Variants in ANK3 observed in about 807,000 individuals in gnomAD.
ANK3 encodes the protein ankyrin 3.
In ANK3, 57 loss-of-function variants were observed where a neutral mutation model predicts 370.9. The ratio of observed to expected loss-of-function variants is 0.15; its 90% CI spans 0.12 to 0.19. The LOEUF (loss-of-function observed/expected upper bound fraction) is 0.19. ANK3 is among the 10% of genes least tolerant of loss of function. The pLI, the probability that ANK3 is intolerant of heterozygous loss-of-function variation, is 1.00. For synonymous variants in ANK3, 1,929 were observed against 1,946.3 expected (o/e 0.99, Z 0.23); for missense variants, 4,439 against 5,302.1 (o/e 0.84, Z 5.06).
At chr10:60,497,051 C>T (rs116224474) in intron 2 of ANK3, among the ~76,000 whole-genome samples, 2,793 of 152,284 alleles carry the variant, frequency 0.018, 107 homozygotes, top group African/African-American at 0.064. Flanking sequence ...CCTGTAATCC[C>T]AGCACTTTTG....
At chr10:60,059,691 T>TA (rs1289581061) in intron 40 of ANK3, 1 of 1,606,234 alleles carries the variant, frequency 6.2e-7, no homozygotes, top group Non-Finnish European at 8.5e-7. Flanking sequence ...GTATTGAGGA[T>TA]ACTCACTCAG....
At chr10:60,430,370 C>T (rs145379195) in intron 2 of ANK3, among the ~76,000 whole-genome samples, 1 of 152,000 alleles carries the variant, frequency 6.6e-6, no homozygotes, top group East Asian at 1.9e-4. Flanking sequence ...CTAAAGATGC[C>T]TAGAATGAGG....
intron 2 of ANK3, among the ~76,000 whole-genome samples, chr10:60,547,235 C>T (rs570135126): frequency 4.3e-4 from 65 of 151,564 alleles, no homozygotes; most frequent in African/African-American, 1.5e-3. Flanking sequence ...GGATTACAGG[C>T]ACCTGCCACT....
intron 29 of ANK3, among the ~76,000 whole-genome samples, chr10:60,087,535 T>C (rs148716704): frequency 1.8e-4 from 28 of 152,266 alleles, no homozygotes; most frequent in Non-Finnish European, 2.9e-4. Flanking sequence ...GTTAACTCCA[T>C]TGGGCAGGAG....
intron 2 of ANK3, among the ~76,000 whole-genome samples, chr10:60,502,287 C>A (rs1183350835): frequency 6.6e-6 from 1 of 152,156 alleles, no homozygotes; most frequent in Non-Finnish European, 1.5e-5. Context: ...TAACATATCA[C>A]ACTAACAAAC....
rs187289723 is a variant in ANK3 at position 60,336,091 on chromosome 10, G to C, written c.114+53334C>G. ...GAGAGGATTTTTAACATAGTTTGGC[G>C]GGGGGGGGAAGCTGGTGCCAAGGAG... On this transcript the variant is annotated intron_variant, in intron 1 of 43. Coordinates refer to ENST00000280772, the MANE Select transcript of ANK3 (RefSeq NM_020987.5). Among the ~76,000 whole-genome samples the C allele has an allele frequency of 2.8e-5, 4 of 141,984 alleles. 1 individual carries two copies. The South Asian group carries it at 6.3e-4, about 22-fold the overall frequency. 93.1% of individuals were successfully genotyped at this position (141,984 alleles called of 152,430 possible). A position where few individuals can be genotyped will look rare whatever the true frequency, so the allele number is the denominator to read the frequency against.
At chr10:60,116,648 GA>G (rs1471007257) in intron 25 of ANK3, among the ~76,000 whole-genome samples, 1 of 149,706 alleles carries the variant, frequency 6.7e-6, no homozygotes, top group Non-Finnish European at 1.5e-5. Flanking sequence ...CAAATATATT[GA>G]AAAAAACCTT....
chr10:60,243,217 T>G (rs2097499004), intron 7 of ANK3, among the ~76,000 whole-genome samples: 1 of 152,194 alleles, frequency 6.6e-6, no homozygotes. Flanking sequence ...AAAATTAGGC[T>G]AATAATAGTA....
At chr10:60,479,723 T>C (rs2075162645) in intron 2 of ANK3, among the ~76,000 whole-genome samples, 2 of 151,510 alleles carry the variant, frequency 1.3e-5, no homozygotes. Flanking sequence ...GCTGGTAGCA[T>C]ATAAAGAGAC....
Position 60,071,606 on chromosome 10 carries a change from A to G in ANK3, c.9275T>C (p.Leu3092Ser), listed in dbSNP as rs929130072. 7 of 1,613,760 alleles carry G rather than the reference A, an allele frequency of 4.3e-6. No homozygotes were observed. The highest frequency in any genetic ancestry group is 1.7e-5 in the Admixed American group (1 of 59,954). Residue 3092 changes from leucine (L) to serine (S), a missense_variant, in exon 37 of 44, where the codon TTA (leucine) becomes TCA (serine). Physicochemically the swap from Leu to Ser is moderately radical, Grantham distance 145 (BLOSUM62 -2). Transcript: ENST00000280772. ...TTGTACAAAACTGACATAAACGGGT[A>G]AAGTTTTTATCTCTTTCCCTCCCTC... is the stretch of plus-strand genomic sequence containing the variant. ...QTEGGKEIKT[L>S]PVYVSFVQVG... is the part of the protein sequence containing the mutation.
rs367784314 is a variant in ANK3, at chr10:60,086,467, T to A, written c.3748+210A>T. The A allele has an allele frequency of 4.0e-4, 181 of 456,002 alleles. 2 individuals are homozygous for A. In the South Asian group the frequency reaches 9.1e-3, roughly 23 times the overall value. 28.2% of individuals were successfully genotyped at this position (456,002 alleles called of 1,614,324 possible). A position where few individuals can be genotyped will look rare whatever the true frequency, so the allele number is the denominator to read the frequency against. On this transcript the variant is annotated intron_variant, in intron 30 of 43. Coordinates refer to ENST00000280772, the MANE Select transcript of ANK3 (RefSeq NM_020987.5). ...CTATCACTAAATTTTAAATGAGTCATGAGACCAGGATCTTGACCAGGATCT... is the reference window on the plus strand; with the variant it reads ...CTATCACTAAATTTTAAATGAGTCAAGAGACCAGGATCTTGACCAGGATCT...
chr10:60,131,992 G>A (rs1005050962), intron 25 of ANK3, among the ~76,000 whole-genome samples: 2 of 152,170 alleles, frequency 1.3e-5, no homozygotes, highest in Non-Finnish European at 2.9e-5. Flanking sequence ...TTTACGTTTT[G>A]TGGGGTCTCC....
intron 2 of ANK3, among the ~76,000 whole-genome samples, chr10:60,505,997 T>A (rs962734247): frequency 5.9e-5 from 9 of 151,958 alleles, no homozygotes; most frequent in African/African-American, 2.2e-4. Flanking sequence ...GGATCAAGTT[T>A]CTCCACCCAA....
In ANK3 at chr10:60,143,462, A is replaced by G. The variant is rs2094661566; in HGVS notation, c.2615-4375T>C. 2.0e-5 allele frequency among the ~76,000 whole-genome samples: 3 copies of G among 152,212 alleles called. No homozygotes were observed. The South Asian group carries it at 6.2e-4, about 31-fold the overall frequency. The stretch of plus-strand genomic sequence containing the variant: ...ATAAGCCAACCAAGGTAATTTATTA[A>G]CAGATGACATGCATTTTATATCAGA... On this transcript the variant is annotated intron_variant, in intron 23 of 43. Transcript: ENST00000280772.
intron 2 of ANK3, among the ~76,000 whole-genome samples, chr10:60,609,339 C>A (rs1287498065): frequency 1.3e-5 from 2 of 152,122 alleles, no homozygotes; most frequent in Non-Finnish European, 2.9e-5. Context: ...GGCTATACTG[C>A]CCTCCAGATG....
intron 2 of ANK3, among the ~76,000 whole-genome samples, chr10:60,410,286 T>TAA (rs112946975): frequency 1.4e-5 from 2 of 145,674 alleles, no homozygotes; most frequent in African/African-American, 5.0e-5. Context: ...CTTAAAAAGT[T>TAA]AAAAAAAAAA....
At chr10:60,348,976 T>C (rs566470519) in intron 1 of ANK3, among the ~76,000 whole-genome samples, 7 of 152,248 alleles carry the variant, frequency 4.6e-5, no homozygotes, top group Admixed American at 1.3e-4. Flanking sequence ...CATACATATT[T>C]ATAAGCTCTC....
intron 2 of ANK3, among the ~76,000 whole-genome samples, chr10:60,458,926 A>C (rs2064816300): frequency 6.6e-6 from 1 of 152,182 alleles, no homozygotes; most frequent in Admixed American, 6.6e-5. Context: ...CCTTTAAAAA[A>C]AGAGAATTGG....
intron 2 of ANK3, among the ~76,000 whole-genome samples, chr10:60,448,659 G>A (rs10159663): frequency 0.75 from 114,651 of 152,164 alleles, 43,264 homozygotes; most frequent in South Asian, 0.92. Flanking sequence ...CGACTCCCCA[G>A]TCAACTCCAT....
Sources: gnomAD v4.1 joint callset for allele counts (sites outside exome capture counted in the v4.1 genomes callset) on GRCh38, gnomAD v4.1.1 for gene constraint, MANE v1.5 for transcripts, NCBI Gene and HGNC (gene_info 2026-07-23, HGNC 2026-07-21) for gene names.